CTNNA1: variants seen among roughly 807,000 people sequenced by gnomAD.
CTNNA1 encodes catenin alpha-1.
A neutral mutation model predicts 98.4 loss-of-function variants in CTNNA1; 37 were observed. The observed-to-expected ratio is 0.38, with a 90% CI of 0.29 to 0.49. CTNNA1 has a LOEUF of 0.49. Ranked by LOEUF, CTNNA1 falls within the 20% of genes least tolerant of loss-of-function variation. The probability of loss-of-function intolerance (pLI) is 0.95; values close to 1 mark genes in which losing one functional copy is unlikely to be tolerated. For missense variants in CTNNA1, 761 were observed against 1,147.2 expected (o/e 0.66, Z 4.86); for synonymous variants, 404 against 413.2 (o/e 0.98, Z 0.27).
In CTNNA1 at chr5:138,873,640, A is replaced by C; in HGVS notation, c.1063-12572A>C. ...TGCATTCCCACAGATTGCCAGAGAG[A>C]CCAACGGTTGTGAGGGATCTCAGGG... On this transcript the variant is annotated intron_variant, in intron 7 of 17. Coordinates refer to ENST00000302763, the MANE Select transcript of CTNNA1 (RefSeq NM_001903.5). This position sits in a 1 kb window ranked among gnomAD's most constrained non-coding sequence, Gnocchi z 6.1. The C allele has an allele frequency of 6.2e-7, 1 of 1,614,032 alleles. No individual in the cohort carries two copies. The highest frequency in any genetic ancestry group is 8.5e-7 in the Non-Finnish European group (1 of 1,179,894).
intron 10 of CTNNA1, among the ~76,000 whole-genome samples, chr5:138,910,121 G>A (rs891728334): frequency 5.9e-5 from 9 of 151,864 alleles, no homozygotes; most frequent in Middle Eastern, 3.4e-3. Context: ...CTTGACTGAG[G>A]TCTACAGGTA....
chr5:138,914,862 A>T (rs1033420752), intron 10 of CTNNA1, among the ~76,000 whole-genome samples: 42 of 152,014 alleles, frequency 2.8e-4, no homozygotes, highest in Non-Finnish European at 6.0e-4. Context: ...AAACACATTT[A>T]CTGGGCCGGG....
chr5:138,855,086 T>A (rs1763609916), intron 7 of CTNNA1, among the ~76,000 whole-genome samples: 1 of 152,248 alleles, frequency 6.6e-6, no homozygotes, highest in African/African-American at 2.4e-5. Context: ...TCACCCAGGC[T>A]GGCGTGCAGT....
At chr5:138,796,175 A>C (rs1328263098) in intron 3 of CTNNA1, among the ~76,000 whole-genome samples, 1 of 152,186 alleles carries the variant, frequency 6.6e-6, no homozygotes, top group African/African-American at 2.4e-5. Context: ...AGTTTTATTC[A>C]CTTTTCACAT....
At chr5:138,864,377 C>T (rs564407310) in intron 7 of CTNNA1, among the ~76,000 whole-genome samples, 20 of 152,242 alleles carry the variant, frequency 1.3e-4, no homozygotes, top group South Asian at 8.3e-4. Context: ...CTAAGTGACT[C>T]CTGAGCAGTA....
chr5:138,882,410 C>G (rs936903219), intron 7 of CTNNA1, among the ~76,000 whole-genome samples: 8 of 152,144 alleles, frequency 5.3e-5, no homozygotes, highest in South Asian at 2.1e-4. Flanking sequence ...TAGGAATGAC[C>G]AGGTTCCATA....
intron 12 of CTNNA1, 107 bp downstream of exon 12, chr5:138,924,817 G>T: frequency 9.6e-7 from 1 of 1,045,076 alleles, no homozygotes; most frequent in Non-Finnish European, 1.4e-6. Context: ...TGGGAACTCA[G>T]ATTTGGTCTC....
chr5:138,928,558 T>TTAAG lies in CTNNA1; in HGVS notation c.1900-686_1900-683dup, dbSNP rs4032102. On this transcript the variant is annotated intron_variant, in intron 13 of 17. Coordinates refer to ENST00000302763, the MANE Select transcript of CTNNA1 (RefSeq NM_001903.5). ...AATACTATACAAAACACCTCTATTTTTAAGTCAGTACCTTTTCTACCCAGG... is the reference window on the plus strand; with the variant it reads ...AATACTATACAAAACACCTCTATTTTTAAGTAAGTCAGTACCTTTTCTACCCAGG... Among the ~76,000 whole-genome samples, 534 of 152,350 alleles carry TTAAG rather than the reference T, an allele frequency of 3.5e-3. 2 individuals are homozygous for TTAAG. The highest frequency in any genetic ancestry group is 0.011 in the African/African-American group (456 of 41,578).
At chr5:138,921,801 A>G (rs1201293568) in intron 11 of CTNNA1, among the ~76,000 whole-genome samples, 3 of 151,718 alleles carry the variant, frequency 2.0e-5, no homozygotes, top group Non-Finnish European at 2.9e-5. Flanking sequence ...GGGTTTCACC[A>G]TGTTGGCCAG....
At chr5:138,860,215 C>G (rs1401038964) in intron 7 of CTNNA1, among the ~76,000 whole-genome samples, 4 of 152,078 alleles carry the variant, frequency 2.6e-5, no homozygotes, top group African/African-American at 9.7e-5. Flanking sequence ...TTTAATAATT[C>G]TAGTTATAAA....
At chr5:138,881,791 T>A (rs1053903359) in intron 7 of CTNNA1, among the ~76,000 whole-genome samples, 3 of 152,226 alleles carry the variant, frequency 2.0e-5, no homozygotes, top group Non-Finnish European at 2.9e-5. Flanking sequence ...TTCTAATGGC[T>A]GAGGAGGTAT....
intron 10 of CTNNA1, among the ~76,000 whole-genome samples, chr5:138,909,858 T>C (rs1413408555): frequency 6.6e-6 from 1 of 152,204 alleles, no homozygotes; most frequent in East Asian, 1.9e-4. Context: ...GGAAAATACA[T>C]GGCCCTTAAA....
rs551545463 is a variant in CTNNA1 at position 138,791,609 on chromosome 5, C to T, written c.301+8237C>T. On this transcript the variant is annotated intron_variant, in intron 3 of 17. Coordinates refer to ENST00000302763, the MANE Select transcript of CTNNA1 (RefSeq NM_001903.5). ...TCCAGTCTGGAGACAGAGCAAGACT[C>T]CGTCTCAAAAAAAAAAAAAAAAAAA... Among the ~76,000 whole-genome samples the T allele has an allele frequency of 1.3e-4, 10 of 74,852 alleles. No homozygotes were observed. In the Admixed American group the frequency reaches 1.7e-3, roughly 12 times the overall value. 49.1% of individuals were successfully genotyped at this position (74,852 alleles called of 152,430 possible). A position where few individuals can be genotyped will look rare whatever the true frequency, so the allele number is the denominator to read the frequency against.
Position 138,932,786 on chromosome 5 carries a change from A to C in CTNNA1, c.2433+74A>C, listed in dbSNP as rs41300799. On this transcript the variant is annotated intron_variant, in intron 17 of 17. Coordinates refer to ENST00000302763, the MANE Select transcript of CTNNA1 (RefSeq NM_001903.5). ...TTGTCAGAAATGAAAGTCACCTCCT[A>C]TCCGCATAAACACCTGCCCTGGGAA... 6,385 of 1,570,398 alleles carry C rather than the reference A, an allele frequency of 4.1e-3. 14 individuals are homozygous for C. Among genetic ancestry groups the C allele is most frequent in the Non-Finnish European group, 4.7e-3 (5,422 of 1,142,302 alleles).
chr5:138,796,098 A>G (rs1030668352), intron 3 of CTNNA1, among the ~76,000 whole-genome samples: 4 of 152,210 alleles, frequency 2.6e-5, no homozygotes, highest in Non-Finnish European at 5.9e-5. Context: ...CTAGAGAGTA[A>G]TATGATTTAA....
At position 138,753,610 on chromosome 5, in the gene CTNNA1, C is replaced by T. The variant is rs551114938; in HGVS notation, c.-3+100C>T. 238 of 309,498 alleles carry T rather than the reference C, an allele frequency of 7.7e-4. 1 individual carries two copies. Among genetic ancestry groups the T allele is most frequent in the African/African-American group, 5.1e-3 (213 of 41,492 alleles). The allele number at this position is 309,498 out of a possible 1,614,324, so 19.2% of individuals were successfully genotyped here. ...CAAGCTGGGCCCCGCGAGCCGCGGGCGGGCGAGCGGGCGGGGCGCGGTTTC... is the reference window on the plus strand; with the variant it reads ...CAAGCTGGGCCCCGCGAGCCGCGGGTGGGCGAGCGGGCGGGGCGCGGTTTC... On this transcript the variant is annotated intron_variant, in intron 1 of 17. Transcript: ENST00000302763.
At chr5:138,815,478 GC>G (rs1759342246) in intron 5 of CTNNA1, among the ~76,000 whole-genome samples, 1 of 151,926 alleles carries the variant, frequency 6.6e-6, no homozygotes, top group African/African-American at 2.4e-5. Context: ...TTACTCTTAG[GC>G]CTCTTTCCTG....
intron 9 of CTNNA1, among the ~76,000 whole-genome samples, chr5:138,896,677 G>A (rs964075476): frequency 6.6e-6 from 1 of 152,216 alleles, no homozygotes; most frequent in African/African-American, 2.4e-5. Context: ...GTGTAGCATA[G>A]CACTGAGGGC....
intron 3 of CTNNA1, among the ~76,000 whole-genome samples, chr5:138,808,695 TAAAAA>T (rs3840113): frequency 2.7e-5 from 4 of 146,936 alleles, no homozygotes; most frequent in Non-Finnish European, 6.0e-5. Flanking sequence ...GAAAGTGCCT[TAAAAA>T]AAAAAAATTC....
Sources: allele counts gnomAD v4.1 joint callset (sites outside exome capture counted in the v4.1 genomes callset), GRCh38; gene constraint gnomAD v4.1.1; non-coding constraint Gnocchi (gnomAD v3.1); transcripts MANE v1.5; gene names NCBI Gene and HGNC (gene_info 2026-07-23, HGNC 2026-07-21).